The following ZNF638 variants were observed in gnomAD, a reference collection of about 807,000 sequenced individuals.
ZNF638 encodes the protein zinc finger protein 638.
In ZNF638, 46 loss-of-function variants were observed where a neutral mutation model predicts 195.6. The observed-to-expected ratio is 0.24, with a 90% confidence interval of 0.19 to 0.30. ZNF638 has a LOEUF of 0.30. ZNF638 is among the 10% of genes least tolerant of loss of function. ZNF638 has a pLI of 1.00. For synonymous variants in ZNF638, 845 were observed against 772.0 expected, an observed-to-expected ratio of 1.09 and a Z score of -1.57; for missense variants, 2,440 against 2,325.3, an observed-to-expected ratio of 1.05 and a Z score of -1.01.
intron 5 of ZNF638, 82 bp downstream of exon 5, chr2:71,364,334 G>T (rs1023497182): frequency 1.4e-6 from 2 of 1,397,738 alleles, no homozygotes; most frequent in Non-Finnish European, 1.9e-6. Flanking sequence ...TTTGAGAAAT[G>T]TTCTACTTTA....
At chr2:71,365,836 C>T (rs2104280629) in intron 6 of ZNF638, 130 bp downstream of exon 6, 1 of 912,932 alleles carries the variant, frequency 1.1e-6, no homozygotes, top group East Asian at 2.7e-5. Context: ...CCTCCTGCCT[C>T]ATCTTCCCAA....
At chr2:71,394,250 C>CG (rs1211233579) in intron 10 of ZNF638, among the ~76,000 whole-genome samples, 2 of 152,014 alleles carry the variant, frequency 1.3e-5, no homozygotes, top group Non-Finnish European at 2.9e-5. Context: ...TGATTTGGGC[C>CG]AAAGGGGGGA....
At chr2:71,364,915 A>G (rs1447032104) in intron 5 of ZNF638, among the ~76,000 whole-genome samples, 1 of 152,160 alleles carries the variant, frequency 6.6e-6, no homozygotes, top group Non-Finnish European at 1.5e-5. Flanking sequence ...GATTTTCTTT[A>G]TCCAGAAGCA....
Position 71,349,453 on chromosome 2 carries a change from C to T in ZNF638, c.499C>T (p.Pro167Ser). ...TCGCTATCCTGATGAACAACTAACT[C>T]CTGAAAATATGCCATTAATTTTGAG... ...LSRYPDEQLT[P>S]ENMPLILRDI... is the part of the protein sequence containing the mutation. The change falls in exon 2 of 28, where the codon CCT becomes TCT. Residue 167 changes from proline (P) to serine (S), a missense_variant. Transcript: ENST00000264447. 6.2e-7 allele frequency: 1 copy of T among 1,614,056 alleles called. No individual in the cohort carries two copies. Among genetic ancestry groups the T allele is most frequent in the Non-Finnish European group, 8.5e-7 (1 of 1,180,012 alleles).
chr2:71,354,207 T>G (rs1250898856), intron 2 of ZNF638, among the ~76,000 whole-genome samples: 1 of 152,206 alleles, frequency 6.6e-6, no homozygotes, highest in African/African-American at 2.4e-5. Flanking sequence ...TTAAGCAAAG[T>G]GTTGAAATAC....
chr2:71,393,487 G>A (rs775903925), intron 10 of ZNF638: 1 of 717,590 alleles, frequency 1.4e-6, no homozygotes, highest in South Asian at 1.5e-5. Flanking sequence ...GATCCTGCAG[G>A]ACCCGCAGCT....
Position 71,380,247 on chromosome 2 carries a change from T to C in ZNF638, c.2291T>C (p.Leu764Ser), listed in dbSNP as rs748345539. ...AQNKEVKKKTLESKKVSASTL... is the reference protein window; with the variant it reads ...AQNKEVKKKTSESKKVSASTL... Reference sequence around the variant, plus strand: ...AACAAAGAGGTGAAGAAAAAGACTTTAGAGTCAAAGAAAGTATCTGCATCT... The same window carrying C: ...AACAAAGAGGTGAAGAAAAAGACTTCAGAGTCAAAGAAAGTATCTGCATCT... Residue 764 changes from leucine (L) to serine (S), a missense_variant, in exon 9 of 28, where the codon TTA (leucine) becomes TCA (serine). By Grantham distance (145) the Leu-to-Ser change is moderately radical. This residue lies in a region of ZNF638 where 1,883 missense variants were observed against 1,739.1 expected (regional missense o/e 1.08). Transcript: ENST00000264447. 15 of 1,568,886 alleles carry C rather than the reference T, an allele frequency of 9.6e-6. No homozygotes were observed. The Admixed American group carries it at 2.5e-4, about 26-fold the overall frequency.
At chr2:71,367,699 A>G (rs1019727691) in intron 6 of ZNF638, among the ~76,000 whole-genome samples, 1 of 151,048 alleles carries the variant, frequency 6.6e-6, no homozygotes, top group Non-Finnish European at 1.5e-5. Context: ...TTGGTCTCCC[A>G]AAGTGCTGGG....
At chr2:71,419,007 T>A (rs1019120729) in intron 21 of ZNF638, among the ~76,000 whole-genome samples, 1 of 152,212 alleles carries the variant, frequency 6.6e-6, no homozygotes, top group Admixed American at 6.5e-5. Flanking sequence ...GGTAGTAAAA[T>A]TTTAACCTTT....
intron 26 of ZNF638, among the ~76,000 whole-genome samples, chr2:71,432,126 C>G (rs779813210): frequency 6.6e-6 from 1 of 152,196 alleles, no homozygotes; most frequent in Non-Finnish European, 1.5e-5. Flanking sequence ...CCATCATACT[C>G]CTCAATCAGA....
intron 6 of ZNF638, among the ~76,000 whole-genome samples, chr2:71,367,597 G>A (rs544482018): frequency 6.6e-6 from 1 of 151,896 alleles, no homozygotes; most frequent in Admixed American, 6.6e-5. Flanking sequence ...GTGCCACCAC[G>A]CCTGGCTAAT....
chr2:71,409,682 A>C (rs1273164489), intron 20 of ZNF638, among the ~76,000 whole-genome samples: 3 of 152,164 alleles, frequency 2.0e-5, no homozygotes, highest in African/African-American at 7.2e-5. Context: ...AGGGGGAAAA[A>C]TGACAGTCTT....
intron 1 of ZNF638, among the ~76,000 whole-genome samples, chr2:71,340,923 G>GT (rs1372127198): frequency 6.6e-6 from 1 of 152,316 alleles, no homozygotes; most frequent in African/African-American, 2.4e-5. Flanking sequence ...TTAAAGTAGT[G>GT]TAAGTCCAAA....
chr2:71,382,741 TTAAA>T (rs1233602162), intron 10 of ZNF638, among the ~76,000 whole-genome samples: 9 of 152,216 alleles, frequency 5.9e-5, no homozygotes, highest in East Asian at 3.9e-4. Flanking sequence ...AAAATAAACA[TTAAA>T]TAATATGAGT....
At chr2:71,424,291 TAAA>T (rs76683427) in intron 22 of ZNF638, among the ~76,000 whole-genome samples, 10 of 137,986 alleles carry the variant, frequency 7.2e-5, no homozygotes, top group Non-Finnish European at 9.5e-5. Flanking sequence ...AACTGTGGTT[TAAA>T]AAAAAAAAAA....
Position 71,365,579 on chromosome 2 carries a change from C to T in ZNF638, c.1868C>T (p.Thr623Ile), listed in dbSNP as rs891480087. 7 of 1,614,136 alleles carry T rather than the reference C, an allele frequency of 4.3e-6. No homozygotes were observed. Among genetic ancestry groups the T allele is most frequent in the Non-Finnish European group, 5.9e-6 (7 of 1,180,020 alleles). Residue 623 changes from threonine (T) to isoleucine (I), a missense_variant, in exon 6 of 28, where the codon ACA (threonine) becomes ATA (isoleucine). Thr to Ile is a moderately conservative substitution (Grantham distance 89). Coordinates refer to ENST00000264447, the MANE Select transcript of ZNF638 (RefSeq NM_014497.5). ...GGAACAAAACCATCAGTTAAACCTA[C>T]AAGCGCTACAAAGAGTGATTCAAAT... ...SSGTKPSVKP[T>I]SATKSDSNLG...
rs375030415 is a variant in ZNF638, at chr2:71,434,397, A to G, written c.5872-345A>G. ...GAACCCCCAAAAAAGTTCAGCCTCA[A>G]TTACGTTGTTGCACTGTCTTTAAAG... On this transcript the variant is annotated intron_variant, in intron 27 of 27. Coordinates refer to ENST00000264447, the MANE Select transcript of ZNF638 (RefSeq NM_014497.5). Among the ~76,000 whole-genome samples the G allele has an allele frequency of 1.2e-3, 177 of 152,348 alleles. 6 individuals carry two copies. In the South Asian group the frequency reaches 0.034, roughly 29 times the overall value.
intron 21 of ZNF638, among the ~76,000 whole-genome samples, chr2:71,421,182 T>C (rs2080424422): frequency 6.6e-6 from 1 of 152,138 alleles, no homozygotes; most frequent in African/African-American, 2.4e-5. Context: ...TTATTGGAAA[T>C]GAGTCTTGTA....
intron 3 of ZNF638, 152 bp downstream of exon 3, chr2:71,355,932 T>C (rs985545715): frequency 2.2e-6 from 1 of 464,240 alleles, no homozygotes. Context: ...TCTGGAAGTA[T>C]ATTTAATATT....
Sources: gnomAD v4.1 joint callset for allele counts (sites outside exome capture counted in the v4.1 genomes callset) on GRCh38, gnomAD v4.1.1 for gene constraint, gnomAD v4.1.1 regional missense constraint, MANE v1.5 for transcripts, NCBI Gene and HGNC (gene_info 2026-07-23, HGNC 2026-07-21) for gene names.